PNPLA7: variants seen among roughly 807,000 people sequenced by gnomAD.
PNPLA7 encodes patatin like domain 7, lysophospholipase, also known as patatin-like phospholipase domain-containing protein 7.
Under a neutral mutation model 161.7 loss-of-function variants are expected in PNPLA7, and 153 were observed. That is an observed-to-expected ratio of 0.95 (90% CI 0.83 to 1.08). The LOEUF is 1.08. PNPLA7 is among the 50% of genes least tolerant of loss of function. PNPLA7 has a pLI of 0.00. For synonymous variants in PNPLA7, 809 were observed against 782.1 expected, an observed-to-expected ratio of 1.03 and a Z score of -0.57; for missense variants, 1,739 against 1,856.6, an observed-to-expected ratio of 0.94 and a Z score of 1.16.
At chr9:137,462,405 C>G in intron 30 of PNPLA7, 74 bp from the exon 31 acceptor site, 1 of 1,524,988 alleles carries the variant, frequency 6.6e-7, no homozygotes, top group African/African-American at 1.4e-5. Context: ...TGGCGCAGGA[C>G]AGGTTCTGGG....
At chr9:137,479,607 T>A in intron 23 of PNPLA7, 1 of 985,408 alleles carries the variant, frequency 1.0e-6, no homozygotes, top group Non-Finnish European at 1.2e-6. Context: ...AGGAGGAATT[T>A]TTAGCTGCCC....
intron 12 of PNPLA7, among the ~76,000 whole-genome samples, chr9:137,510,365 C>T (rs941200776): frequency 6.6e-6 from 1 of 152,204 alleles, no homozygotes; most frequent in Non-Finnish European, 1.5e-5. Flanking sequence ...TCCTGTACAC[C>T]TGGCTCTGCC....
chr9:137,491,638 C>T (rs769334245), intron 20 of PNPLA7: 17 of 985,294 alleles, frequency 1.7e-5, no homozygotes, highest in Non-Finnish European at 1.9e-5. Context: ...TATTTGGAAA[C>T]GGTTTTGCAG....
intron 6 of PNPLA7, 86 bp from the exon 7 acceptor site, chr9:137,542,887 A>T (rs1215681974): frequency 6.9e-7 from 1 of 1,440,590 alleles, no homozygotes; most frequent in African/African-American, 1.4e-5. Flanking sequence ...ACGGTCACTG[A>T]CCCCACTGGC....
chr9:137,507,302 C>T (rs1033374699), intron 12 of PNPLA7, among the ~76,000 whole-genome samples: 2 of 152,244 alleles, frequency 1.3e-5, no homozygotes, highest in East Asian at 1.9e-4. Context: ...GCGAGAGGAG[C>T]GCAGCAGCCC....
chr9:137,544,004 C>G (rs1371492763), intron 4 of PNPLA7, among the ~76,000 whole-genome samples, 189 bp from the exon 5 acceptor site: 1 of 152,130 alleles, frequency 6.6e-6, no homozygotes, highest in Non-Finnish European at 1.5e-5. Context: ...CGATACAGCC[C>G]CACACATCCT....
At position 137,499,477 on chromosome 9, in the gene PNPLA7, T is replaced by G. The variant is rs1480051874; in HGVS notation, c.1757+1214A>C. 6.6e-6 allele frequency among the ~76,000 whole-genome samples: 1 copy of G among 152,206 alleles called. No individual in the cohort carries two copies. Among genetic ancestry groups the G allele is most frequent in the East Asian group, 1.9e-4 (1 of 5,192 alleles). ...CGTCCTGATCTCCCTGGCACTGATG[T>G]GGAGCAGCTGGGGATGCTCAGGAGG... is the stretch of plus-strand genomic sequence containing the variant. On this transcript the variant is annotated intron_variant, in intron 16 of 34. Coordinates refer to ENST00000406427, the MANE Select transcript of PNPLA7 (RefSeq NM_001098537.3). The surrounding 1 kb of genome is among the most constrained non-coding windows in gnomAD (Gnocchi z 5.5).
intron 11 of PNPLA7, among the ~76,000 whole-genome samples, chr9:137,518,949 T>TC (rs796711444): frequency 0.017 from 2,004 of 118,940 alleles, 53 homozygotes; most frequent in Non-Finnish European, 0.025. Context: ...GTCCACTCCA[T>TC]CCTCACTCAC....
rs978624659 is a variant in PNPLA7 at position 137,523,620 on chromosome 9, C to T, written c.748-763G>A. 3.3e-5 allele frequency among the ~76,000 whole-genome samples: 5 copies of T among 151,940 alleles called. No homozygotes were observed. The highest frequency in any genetic ancestry group is 5.9e-5 in the Non-Finnish European group (4 of 67,996). On this transcript the variant is annotated intron_variant, in intron 8 of 34. Coordinates refer to ENST00000406427, the MANE Select transcript of PNPLA7 (RefSeq NM_001098537.3). The surrounding 1 kb of genome is among the most constrained non-coding windows in gnomAD (Gnocchi z 4.4). Reference sequence around the variant, plus strand: ...TTTACACCATGCCGTCACCTGCCTGCAGAGACAGATTTTTTTTTTTTTTTG... The same window carrying T: ...TTTACACCATGCCGTCACCTGCCTGTAGAGACAGATTTTTTTTTTTTTTTG...
Position 137,479,160 on chromosome 9 carries a change from G to C in PNPLA7, c.2659C>G (p.Pro887Ala). The change falls in exon 24 of 35, where the codon CCA (proline) becomes GCA (alanine). Residue 887 changes from proline (P) to alanine (A), a missense_variant. Pro to Ala is a conservative substitution (Grantham distance 27). Coordinates refer to ENST00000406427, the MANE Select transcript of PNPLA7 (RefSeq NM_001098537.3). ...TTGAGCCACTCCACGGTGCGCGCTGGCGCCGGGCCCTCCTCCCTGTGCAGC... is the reference window on the plus strand; with the variant it reads ...TTGAGCCACTCCACGGTGCGCGCTGCCGCCGGGCCCTCCTCCCTGTGCAGC... Reference protein sequence around the residue: ...ILLHREEGPAPARTVEWLNMR... With the variant: ...ILLHREEGPAAARTVEWLNMR... 6.4e-7 allele frequency: 1 copy of C among 1,573,872 alleles called. No homozygotes were observed. The highest frequency in any genetic ancestry group is 8.6e-7 in the Non-Finnish European group (1 of 1,160,874).
chr9:137,505,308 T>C lies in PNPLA7; in HGVS notation c.1473+306A>G, dbSNP rs1284615905. Among the ~76,000 whole-genome samples, 3 of 151,848 alleles carry C rather than the reference T, an allele frequency of 2.0e-5. No individual in the cohort carries two copies. The East Asian group carries it at 5.8e-4, about 29-fold the overall frequency. ...TTATTAAAGTGAAGCTGGGAAAATG[T>C]CATACTACAATAATCTGACACTATT... is the stretch of plus-strand genomic sequence containing the variant. On this transcript the variant is annotated intron_variant, in intron 14 of 34. Coordinates refer to ENST00000406427, the MANE Select transcript of PNPLA7 (RefSeq NM_001098537.3).
chr9:137,526,690 A>G (rs557236034), intron 8 of PNPLA7, among the ~76,000 whole-genome samples: 1 of 152,236 alleles, frequency 6.6e-6, no homozygotes, highest in South Asian at 2.1e-4. Flanking sequence ...TGGCCTGGGA[A>G]CTCCCAAGTT....
intron 14 of PNPLA7, among the ~76,000 whole-genome samples, chr9:137,504,298 G>A (rs1053607173): frequency 1.3e-5 from 2 of 152,078 alleles, no homozygotes; most frequent in Non-Finnish European, 2.9e-5. Flanking sequence ...TGCAACATCC[G>A]TCTCCCAGGT....
In PNPLA7 at chr9:137,506,097, G is replaced by A. The variant is rs778381226; in HGVS notation, c.1226-14C>T. The A allele has an allele frequency of 2.5e-6, 4 of 1,600,606 alleles. No individual in the cohort carries two copies. Among genetic ancestry groups the A allele is most frequent in the East Asian group, 2.2e-5 (1 of 44,520 alleles). On this transcript the variant is annotated splice_polypyrimidine_tract_variant and intron_variant, in intron 12 of 34. Transcript: ENST00000406427. Reference sequence around the variant, plus strand: ...TGCCTGGGCCCCCTACACACAGAGGGGACACTCAGGACACGGTTCGCTAGG... The same window carrying A: ...TGCCTGGGCCCCCTACACACAGAGGAGACACTCAGGACACGGTTCGCTAGG...
In PNPLA7 at chr9:137,463,473, GA is replaced by G; in HGVS notation, c.3284del (p.Leu1095ProfsTer10). On this transcript the variant is annotated frameshift_variant, in exon 29 of 35. Coordinates refer to ENST00000406427, the MANE Select transcript of PNPLA7 (RefSeq NM_001098537.3). LOFTEE classifies it high-confidence loss of function. ...GCAGGTGTCCGTCCTTCGGGTCACA[GA>G]GAGGGGGCATGTAACCGGACAGGGA... ...SMSLSGYMPP[L>X]CDPKDGHLLM... 3 of 1,595,150 alleles carry G rather than the reference GA, an allele frequency of 1.9e-6. No homozygotes were observed. The highest frequency in any genetic ancestry group is 2.6e-6 in the Non-Finnish European group (3 of 1,171,014).
In PNPLA7 at chr9:137,460,651, G is replaced by A. The variant is rs1831136237; in HGVS notation, c.3928C>T (p.Gln1310Ter). ...AYADFQSTSA[Q>*]QGSDLEDESS... Reference sequence around the variant, plus strand: ...CTCCTCACCAAGTCTGAGCCCTGCTGGGCTGAGGTGCTCTGGAAGTCTGCG... The same window carrying A: ...CTCCTCACCAAGTCTGAGCCCTGCTAGGCTGAGGTGCTCTGGAAGTCTGCG... Residue 1310 changes from glutamine to a stop codon, truncating the protein, a stop_gained, in exon 34 of 35, where the codon CAG becomes TAG. Coordinates refer to ENST00000406427, the MANE Select transcript of PNPLA7 (RefSeq NM_001098537.3). LOFTEE classifies it low-confidence loss of function (END_TRUNC). 1 of 1,612,698 alleles carries A rather than the reference G, an allele frequency of 6.2e-7. No homozygotes were observed. Among genetic ancestry groups the A allele is most frequent in the Non-Finnish European group, 8.5e-7 (1 of 1,179,856 alleles).
At chr9:137,470,215 T>C (rs1213205701) in intron 25 of PNPLA7, among the ~76,000 whole-genome samples, 1 of 152,056 alleles carries the variant, frequency 6.6e-6, no homozygotes, top group Non-Finnish European at 1.5e-5. Flanking sequence ...GGGGTCTCAC[T>C]ATGTTGCCCA....
chr9:137,509,056 G>A (rs1834062606), intron 12 of PNPLA7: 1 of 153,554 alleles, frequency 6.5e-6, no homozygotes, highest in South Asian at 2.1e-4. Context: ...GCTAACCATG[G>A]GCGGCCAGTG....
chr9:137,461,581 C>T lies in PNPLA7; in HGVS notation c.3796G>A (p.Glu1266Lys), dbSNP rs1457500663. Residue 1266 changes from glutamate (E) to lysine (K), a missense_variant, in exon 33 of 35, where the codon GAA becomes AAA. Coordinates refer to ENST00000406427, the MANE Select transcript of PNPLA7 (RefSeq NM_001098537.3). ...CPNASFTDLAEIVSRIEPAKP... is the reference protein window; with the variant it reads ...CPNASFTDLAKIVSRIEPAKP... ...GCGGGCTCAATGCGAGACACAATTT[C>T]GGCAAGGTCCGTGAAGGAGGCGTTG... The T allele has an allele frequency of 5.6e-6, 9 of 1,612,808 alleles. No individual in the cohort carries two copies. The highest frequency in any genetic ancestry group is 1.1e-5 in the South Asian group (1 of 91,012).
Sources: allele counts gnomAD v4.1 joint callset (sites outside exome capture counted in the v4.1 genomes callset), GRCh38; gene constraint gnomAD v4.1.1; non-coding constraint Gnocchi (gnomAD v3.1); transcripts MANE v1.5; gene names NCBI Gene and HGNC (gene_info 2026-07-23, HGNC 2026-07-21).